Variants in GSG1L observed in about 807,000 individuals in gnomAD.
GSG1L encodes GSG1 like, also known as germ cell-specific gene 1-like protein.
Under a neutral mutation model 42.1 loss-of-function variants are expected in GSG1L, and 24 were observed. That is an observed-to-expected ratio of 0.57 (90% CI 0.41 to 0.80). GSG1L has a LOEUF of 0.80. Ranked by LOEUF, GSG1L falls within the 30% of genes least tolerant of loss-of-function variation. GSG1L has a pLI of 0.00. For synonymous variants in GSG1L, 215 were observed against 203.5 expected (o/e 1.06, Z -0.48); for missense variants, 445 against 472.2 (o/e 0.94, Z 0.53).
At chr16:27,990,788 G>A (rs977118469) in intron 1 of GSG1L, among the ~76,000 whole-genome samples, 9 of 152,200 alleles carry the variant, frequency 5.9e-5, no homozygotes, top group African/African-American at 2.2e-4. Flanking sequence ...ATAAACATAT[G>A]TGTGCATGTG....
At chr16:27,861,793 G>A (rs578026902) in intron 3 of GSG1L, among the ~76,000 whole-genome samples, 3 of 152,180 alleles carry the variant, frequency 2.0e-5, no homozygotes, top group East Asian at 1.9e-4. Context: ...AGACACCCAC[G>A]TCTTGTTATT....
chr16:27,876,404 T>C lies in GSG1L; in HGVS notation c.550+8082A>G, dbSNP rs373679728. On this transcript the variant is annotated intron_variant, in intron 3 of 6. Coordinates refer to ENST00000447459, the MANE Select transcript of GSG1L (RefSeq NM_001109763.2). ...AAGTGTAACAGGAAGGAAGCCTTCCTTGGGGGAAGGTGTCATGATTGAACA... is the reference window on the plus strand; with the variant it reads ...AAGTGTAACAGGAAGGAAGCCTTCCCTGGGGGAAGGTGTCATGATTGAACA... 5.3e-5 allele frequency among the ~76,000 whole-genome samples: 8 copies of C among 152,288 alleles called. No individual in the cohort carries two copies. The East Asian group carries it at 5.8e-4, about 11-fold the overall frequency.
chr16:27,934,332 T>C (rs1205310896), intron 2 of GSG1L, among the ~76,000 whole-genome samples: 1 of 152,006 alleles, frequency 6.6e-6, no homozygotes, highest in Non-Finnish European at 1.5e-5. Flanking sequence ...TCACCTGAGG[T>C]CAGGAGTTCG....
chr16:27,852,882 C>G (rs2079193957), intron 3 of GSG1L, among the ~76,000 whole-genome samples: 1 of 152,040 alleles, frequency 6.6e-6, no homozygotes, highest in Non-Finnish European at 1.5e-5. Flanking sequence ...ATGGGCGGGA[C>G]TTGCCAGGGC....
chr16:27,960,261 C>G (rs898455207), intron 2 of GSG1L, among the ~76,000 whole-genome samples: 6 of 150,298 alleles, frequency 4.0e-5, no homozygotes, highest in African/African-American at 1.5e-4. Flanking sequence ...CCAGACTGTT[C>G]AGGTTCAAAT....
At chr16:27,801,866 C>T (rs1427934961) in intron 6 of GSG1L, among the ~76,000 whole-genome samples, 5 of 152,132 alleles carry the variant, frequency 3.3e-5, no homozygotes, top group Non-Finnish European at 7.3e-5. Flanking sequence ...TAAAATGGGT[C>T]CGTATTTAGG....
chr16:28,019,918 TATC>T (rs1340511698), intron 1 of GSG1L, among the ~76,000 whole-genome samples: 1 of 152,220 alleles, frequency 6.6e-6, no homozygotes, highest in Non-Finnish European at 1.5e-5. Flanking sequence ...GCTGCTGCTC[TATC>T]ATCATGCTCA....
At chr16:27,892,991 G>A (rs1394380286) in intron 2 of GSG1L, among the ~76,000 whole-genome samples, 1 of 152,166 alleles carries the variant, frequency 6.6e-6, no homozygotes, top group Non-Finnish European at 1.5e-5. Context: ...AGGACAGGAA[G>A]TCAGAACAGA....
intron 6 of GSG1L, among the ~76,000 whole-genome samples, chr16:27,792,092 G>A (rs541960843): frequency 6.6e-6 from 1 of 151,702 alleles, no homozygotes; most frequent in South Asian, 2.1e-4. Flanking sequence ...TACTTGTGCA[G>A]CCATCATCCA....
chr16:27,844,900 G>C (rs34733494), intron 4 of GSG1L, 50 bp downstream of exon 4: 32,448 of 1,028,892 alleles, frequency 0.032, 739 homozygotes, highest in Non-Finnish European at 0.036. Context: ...GTCCCAGCGT[G>C]CCTTGGGCCC....
chr16:27,824,085 G>A (rs1174704339), intron 5 of GSG1L, among the ~76,000 whole-genome samples: 2 of 152,212 alleles, frequency 1.3e-5, no homozygotes, highest in African/African-American at 2.4e-5. Flanking sequence ...AGCTGGTCAT[G>A]ACCAAGCTCA....
At chr16:27,984,225 C>T (rs2085355566) in intron 1 of GSG1L, among the ~76,000 whole-genome samples, 1 of 152,188 alleles carries the variant, frequency 6.6e-6, no homozygotes, top group South Asian at 2.1e-4. Flanking sequence ...CAGCCTCTTT[C>T]TTTGGCATCT....
chr16:27,840,527 G>A (rs568079290), intron 4 of GSG1L, among the ~76,000 whole-genome samples: 1 of 152,262 alleles, frequency 6.6e-6, no homozygotes, highest in Admixed American at 6.5e-5. Context: ...GGAGTGGGCA[G>A]GAGGGCTCGC....
In GSG1L at chr16:27,884,830, G is replaced by A. The variant is rs1241221244; in HGVS notation, c.398-192C>T. 6.6e-6 allele frequency among the ~76,000 whole-genome samples: 1 copy of A among 152,204 alleles called. No individual in the cohort carries two copies. Among genetic ancestry groups the A allele is most frequent in the East Asian group, 1.9e-4 (1 of 5,196 alleles). ...TGCAGGGGCCGGCTCAGGGACCGAA[G>A]CTTAAGTCAGCATTCTCTGGATCCT... On this transcript the variant is annotated intron_variant, in intron 2 of 6. Coordinates refer to ENST00000447459, the MANE Select transcript of GSG1L (RefSeq NM_001109763.2). The surrounding 1 kb of genome is among the most constrained non-coding windows in gnomAD (Gnocchi z 4.4).
chr16:27,984,279 A>C (rs2085356462), intron 1 of GSG1L, among the ~76,000 whole-genome samples: 1 of 152,266 alleles, frequency 6.6e-6, no homozygotes, highest in Middle Eastern at 3.4e-3. Context: ...AGGCCTGCTC[A>C]CTGCAGAACA....
Position 28,029,549 on chromosome 16 carries a change from A to ATGGATGGATGGATGGATGCATGGG in GSG1L, c.349+33526_349+33527insCCCATGCATCCATCCATCCATCCA, listed in dbSNP as rs1567561662. Among the ~76,000 whole-genome samples, 273 of 151,570 alleles carry ATGGATGGATGGATGGATGCATGGG rather than the reference A, an allele frequency of 1.8e-3. 1 individual carries two copies. The highest frequency in any genetic ancestry group is 6.4e-3 in the African/African-American group (264 of 41,262). ...CATGAAGGGATGGATGGATGGATGG[A>ATGGATGGATGGATGGATGCATGGG]TGGATGGATGGATGCATGGGTGGAT... On this transcript the variant is annotated intron_variant, in intron 1 of 6. Coordinates refer to ENST00000447459, the MANE Select transcript of GSG1L (RefSeq NM_001109763.2).
chr16:27,864,691 A>G (rs1596565634), intron 3 of GSG1L, among the ~76,000 whole-genome samples: 3 of 152,214 alleles, frequency 2.0e-5, no homozygotes, highest in African/African-American at 7.2e-5. Flanking sequence ...GAGCCCAGAC[A>G]TGAGACCCAG....
chr16:27,912,829 A>G (rs1372752004), intron 2 of GSG1L, among the ~76,000 whole-genome samples: 1 of 152,254 alleles, frequency 6.6e-6, no homozygotes, highest in Non-Finnish European at 1.5e-5. Context: ...GAAATGGGAA[A>G]AAAAACTGGA....
At chr16:27,837,510 T>G (rs2083334038) in intron 4 of GSG1L, among the ~76,000 whole-genome samples, 1 of 152,164 alleles carries the variant, frequency 6.6e-6, no homozygotes, top group Non-Finnish European at 1.5e-5. Context: ...GGGGGCCTCA[T>G]CCCTGCTCCC....
Sources: allele counts gnomAD v4.1 joint callset (sites outside exome capture counted in the v4.1 genomes callset), GRCh38; gene constraint gnomAD v4.1.1; non-coding constraint Gnocchi (gnomAD v3.1); transcripts MANE v1.5; gene names NCBI Gene and HGNC (gene_info 2026-07-23, HGNC 2026-07-21).